ZNF688: variants seen among roughly 807,000 people sequenced by gnomAD.
ZNF688 encodes the protein zinc finger protein 688.
In ZNF688, 10 loss-of-function variants were observed where a neutral mutation model predicts 13.2. That is an observed-to-expected ratio of 0.76 (90% CI 0.47 to 1.28). The LOEUF (loss-of-function observed/expected upper bound fraction) is 1.28, where lower values mean the gene tolerates loss of function less well. Among genes scored for constraint, ZNF688 ranks in the 50% most tolerant of loss-of-function variants. ZNF688 has a pLI of 0.00. For synonymous variants in ZNF688, 160 were observed against 159.4 expected, an observed-to-expected ratio of 1.00 and a Z score of -0.03; for missense variants, 381 against 391.4, an observed-to-expected ratio of 0.97 and a Z score of 0.22.
chr16:30,576,811 C>T (rs2051752084), upstream of ZNF688, among the ~76,000 whole-genome samples: 1 of 152,038 alleles, frequency 6.6e-6, no homozygotes, highest in Admixed American at 6.6e-5. Context: ...CTCTGTCACA[C>T]AGGCTGGAGT....
the ZNF688 span, chr16:30,579,451 C>A: frequency 1.1e-5 from 2 of 179,754 alleles, no homozygotes; most frequent in South Asian, 1.1e-4. Context: ...GCAATGGAGC[C>A]ATCTCAGCTT....
At chr16:30,574,114 G>A (rs2051723916), upstream of ZNF688, among the ~76,000 whole-genome samples, 1 of 152,060 alleles carries the variant, frequency 6.6e-6, no homozygotes, top group Non-Finnish European at 1.5e-5. Flanking sequence ...AGGTCTGGTG[G>A]TGCACACCTG....
Position 30,569,881 on chromosome 16 carries a change from C to T in ZNF688, c.*35G>A. The T allele has an allele frequency of 1.3e-6, 2 of 1,506,038 alleles. No homozygotes were observed. Among genetic ancestry groups the T allele is most frequent in the Non-Finnish European group, 1.8e-6 (2 of 1,128,490 alleles). The allele number at this position is 1,506,038 out of a possible 1,614,324, so 93.3% of individuals were successfully genotyped here. ...CTCAGGGATCCGTCAGTCCTTCGTG[C>T]CAAGGTCAGGCTCAACTCCAGCCTG... On this transcript the variant is annotated 3_prime_UTR_variant, in exon 3 of 3. Coordinates refer to ENST00000223459, the MANE Select transcript of ZNF688 (RefSeq NM_145271.4).
At chr16:30,579,809 C>G in the ZNF688 span, 1 of 456,058 alleles carries the variant, frequency 2.2e-6, no homozygotes, top group African/African-American at 2.0e-5. Context: ...TTTGTTCATT[C>G]CTTCAAAAGT....
In ZNF688 at chr16:30,571,495, G is replaced by A. The variant is rs765026476; in HGVS notation, c.135C>T (p.Pro45=). The stretch of plus-strand genomic sequence containing the variant: ...CGTCCCGGTACAGAGCCCTCTGCGC[G>A]GGCCGCAGACAGCCCCACTCCTCCG... The part of the protein sequence containing the change: ...FSPEEWGCLR[P]AQRALYRDVM... The change falls in exon 1 of 3, where the codon CCC becomes CCT. Residue 45 remains proline (P), a synonymous_variant. Transcript: ENST00000223459. 1 of 1,590,660 alleles carries A rather than the reference G, an allele frequency of 6.3e-7. No homozygotes were observed. The highest frequency in any genetic ancestry group is 8.5e-7 in the Non-Finnish European group (1 of 1,169,670).
upstream of ZNF688, among the ~76,000 whole-genome samples, chr16:30,573,329 G>T (rs560006467): frequency 6.6e-6 from 1 of 152,140 alleles, no homozygotes; most frequent in South Asian, 2.1e-4. Context: ...TCTAAACTGG[G>T]TTGGGCCTCA....
chr16:30,570,722 ATTATTTATTTATTTAT>A lies in ZNF688; in HGVS notation c.310+272_310+287del, dbSNP rs3072029. 7.7e-4 allele frequency: 231 copies of A among 300,058 alleles called. 7 individuals are homozygous for A. The highest frequency in any genetic ancestry group is 6.2e-4 in the Non-Finnish European group (105 of 169,476). The allele number at this position is 300,058 out of a possible 1,614,324, so 18.6% of individuals were successfully genotyped here. ...AGGAAGTGCTCAGGAAGCAGGGGCT[ATTATTTATTTATTTAT>A]TTATTTATTTATTTATTTATTTATT... is the stretch of plus-strand genomic sequence containing the variant. On this transcript the variant is annotated intron_variant, in intron 2 of 2. Coordinates refer to ENST00000223459, the MANE Select transcript of ZNF688 (RefSeq NM_145271.4).
rs1280779079 is a variant in ZNF688, at chr16:30,570,395, G to C, written c.352C>G (p.Pro118Ala). Residue 118 changes from proline (P) to alanine (A), a missense_variant, in exon 3 of 3, where the codon CCA becomes GCA. Pro to Ala is a conservative substitution (Grantham distance 27). Transcript: ENST00000223459. ...GCCTTTCTAGGCCCTTTGGCTCTTG[G>C]GACTTCCTCCGGTTCCTCTTCCTTC... is the stretch of plus-strand genomic sequence containing the variant. ...NRKEEEPEEV[P>A]RAKGPRKAPV... 1 of 1,613,512 alleles carries C rather than the reference G, an allele frequency of 6.2e-7. No individual in the cohort carries two copies. The highest frequency in any genetic ancestry group is 1.3e-5 in the African/African-American group (1 of 74,936).
upstream of ZNF688, among the ~76,000 whole-genome samples, chr16:30,573,328 G>T (rs2051714269): frequency 6.6e-6 from 1 of 152,072 alleles, no homozygotes; most frequent in African/African-American, 2.4e-5. Context: ...CTCTAAACTG[G>T]GTTGGGCCTC....
upstream of ZNF688, among the ~76,000 whole-genome samples, chr16:30,575,109 T>C (rs2051733670): frequency 6.6e-6 from 1 of 152,238 alleles, no homozygotes; most frequent in African/African-American, 2.4e-5. Context: ...TGATCAACAC[T>C]TAGGTTGATT....
upstream of ZNF688, among the ~76,000 whole-genome samples, chr16:30,577,609 C>G (rs1041827247): frequency 1.3e-5 from 2 of 151,104 alleles, no homozygotes; most frequent in Admixed American, 1.3e-4. Context: ...CTCCTGACCT[C>G]GTGATCCGCC....
At chr16:30,577,961 C>T in the ZNF688 span, among the ~76,000 whole-genome samples, 2 of 152,080 alleles carry the variant, frequency 1.3e-5, no homozygotes, top group Admixed American at 6.6e-5. Flanking sequence ...TGAGCCATAG[C>T]GCCAGGCCTG....
chr16:30,571,687 TC>T lies in ZNF688; in HGVS notation c.-59del, dbSNP rs2051688640. 1 of 1,360,090 alleles carries T rather than the reference TC, an allele frequency of 7.4e-7. No individual in the cohort carries two copies. Among genetic ancestry groups the T allele is most frequent in the Admixed American group, 3.9e-5 (1 of 25,512 alleles). 84.3% of individuals were successfully genotyped at this position (1,360,090 alleles called of 1,614,324 possible). On this transcript the variant is annotated 5_prime_UTR_variant, in exon 1 of 3. Coordinates refer to ENST00000223459, the MANE Select transcript of ZNF688 (RefSeq NM_145271.4). ...GTCCCTGGAGCCGCCGCCTCCCCGCTCCCGGCCTCAGCTGTCGTTGTCCACA... is the reference window on the plus strand; with the variant it reads ...GTCCCTGGAGCCGCCGCCTCCCCGCTCCGGCCTCAGCTGTCGTTGTCCACA...
intron 1 of ZNF688, 142 bp downstream of exon 1, chr16:30,571,292 C>T (rs1158358723): frequency 1.3e-6 from 2 of 1,537,576 alleles, no homozygotes; most frequent in Admixed American, 2.0e-5. Context: ...CGAGGGGGTA[C>T]CTGAAGCCCT....
upstream of ZNF688, among the ~76,000 whole-genome samples, chr16:30,575,065 A>G (rs2051733297): frequency 6.6e-6 from 1 of 152,130 alleles, no homozygotes; most frequent in African/African-American, 2.4e-5. Context: ...TCCACTGTGT[A>G]TATATATCAT....
upstream of ZNF688, among the ~76,000 whole-genome samples, chr16:30,575,990 CTGTCA>C (rs2051742449): frequency 6.6e-6 from 1 of 152,118 alleles, no homozygotes; most frequent in African/African-American, 2.4e-5. Flanking sequence ...TTGCCAATAC[CTGTCA>C]TGTTTTGTCT....
rs774694491 is a variant in ZNF688, at chr16:30,569,982, G to A, written c.765C>T (p.Val255=). 7.5e-6 allele frequency: 12 copies of A among 1,603,636 alleles called. No individual in the cohort carries two copies. The South Asian group carries it at 1.3e-4, about 18-fold the overall frequency. The change falls in exon 3 of 3, where the codon GTC becomes GTT. Residue 255 remains valine (V), a synonymous_variant. Coordinates refer to ENST00000223459, the MANE Select transcript of ZNF688 (RefSeq NM_145271.4). The part of the protein sequence containing the change: ...PGIRAVPRAP[V]RGDRDPPVLF... ...GCACAGGCGGGTCCCGGTCACCTCG[G>A]ACGGGGGCCCGAGGCACAGCCCGGA...
chr16:30,576,266 C>T (rs900227031), upstream of ZNF688, among the ~76,000 whole-genome samples: 2 of 152,224 alleles, frequency 1.3e-5, no homozygotes, highest in African/African-American at 4.8e-5. Flanking sequence ...GGCTGGAGTG[C>T]AGTGGCGCGA....
upstream of ZNF688, among the ~76,000 whole-genome samples, chr16:30,576,410 T>A (rs981399282): frequency 6.6e-6 from 1 of 152,088 alleles, no homozygotes; most frequent in East Asian, 1.9e-4. Flanking sequence ...TGGGGTTTCA[T>A]TGTGTTAGCC....
Sources: gnomAD v4.1 joint callset for allele counts (sites outside exome capture counted in the v4.1 genomes callset) on GRCh38, gnomAD v4.1.1 for gene constraint, MANE v1.5 for transcripts, NCBI Gene and HGNC (gene_info 2026-07-23, HGNC 2026-07-21) for gene names.